Variants in FAM163B observed in about 807,000 individuals in gnomAD.
The protein encoded by FAM163B is family with sequence similarity 163 member B, also known as protein FAM163B.
Under a neutral mutation model 7.6 loss-of-function variants are expected in FAM163B, and 4 were observed. The ratio of observed to expected loss-of-function variants is 0.52; its 90% CI spans 0.26 to 1.20. FAM163B has a LOEUF of 1.20. FAM163B is among the 50% of genes most tolerant of loss of function. FAM163B has a pLI of 0.14. For synonymous variants in FAM163B, 120 were observed against 111.6 expected, an observed-to-expected ratio of 1.07 and a Z score of -0.47; for missense variants, 250 against 243.0, an observed-to-expected ratio of 1.03 and a Z score of -0.19.
rs774145747 is a variant in FAM163B at position 133,601,883 on chromosome 9, G to A, written c.-24+7194C>T. Among the ~76,000 whole-genome samples, 79 of 152,202 alleles carry A rather than the reference G, an allele frequency of 5.2e-4. No homozygotes were observed. Among genetic ancestry groups the A allele is most frequent in the Admixed American group, 9.2e-4 (14 of 15,286 alleles). The stretch of plus-strand genomic sequence containing the variant: ...AGGCAGCGAGGGGGGTAGGTGGGAG[G>A]AGCCTCAGGGAGGAAGGGACTCTGA... On this transcript the variant is annotated intron_variant, in intron 1 of 2. Transcript: ENST00000673969. This position sits in a 1 kb window ranked among gnomAD's most constrained non-coding sequence, Gnocchi z 4.1.
intron 1 of FAM163B, 108 bp from the exon 2 acceptor site, chr9:133,580,354 A>C: frequency 2.4e-6 from 2 of 846,940 alleles, no homozygotes; most frequent in Non-Finnish European, 3.8e-6. Context: ...AAAGCACCCC[A>C]GGATGTGCCT....
At chr9:133,589,645 C>T (rs562066213) in intron 1 of FAM163B, among the ~76,000 whole-genome samples, 3 of 151,858 alleles carry the variant, frequency 2.0e-5, no homozygotes, top group East Asian at 2.0e-4. Flanking sequence ...CACAGTAGGG[C>T]GGCATTGGTG....
At position 133,599,845 on chromosome 9, in the gene FAM163B, GTGTGTGTGCA is replaced by G. The variant is rs554743148; in HGVS notation, c.-24+9222_-24+9231del. Among the ~76,000 whole-genome samples the G allele has an allele frequency of 7.0e-4, 106 of 151,450 alleles. 1 individual carries two copies. The South Asian group carries it at 0.012, about 17-fold the overall frequency. ...TGCATGAATGTGTGTCTGTGTACGA[GTGTGTGTGCA>G]TGTGTGTGCTAGTGTGTCTGTGTGC... On this transcript the variant is annotated intron_variant, in intron 1 of 2. Transcript: ENST00000673969.
At chr9:133,594,573 CAT>C (rs1420452139) in intron 1 of FAM163B, among the ~76,000 whole-genome samples, 4 of 152,184 alleles carry the variant, frequency 2.6e-5, no homozygotes, top group Admixed American at 6.5e-5. Context: ...GTCTGCACCA[CAT>C]GTTTGGCATT....
At chr9:133,582,738 G>A (rs1361994057) in intron 1 of FAM163B, among the ~76,000 whole-genome samples, 1 of 152,238 alleles carries the variant, frequency 6.6e-6, no homozygotes, top group Admixed American at 6.5e-5. Flanking sequence ...GGCTGGGCCA[G>A]CCGGCCTCTC....
At chr9:133,590,035 A>C in intron 1 of FAM163B, among the ~76,000 whole-genome samples, 1 of 125,782 alleles carries the variant, frequency 8.0e-6, no homozygotes, top group South Asian at 2.7e-4. Flanking sequence ...TGCTGGACTT[A>C]AGTTCCCTTC....
At chr9:133,588,389 C>T (rs762964105) in intron 1 of FAM163B, among the ~76,000 whole-genome samples, 1 of 151,964 alleles carries the variant, frequency 6.6e-6, no homozygotes, top group Non-Finnish European at 1.5e-5. Context: ...TGGGGAAGAA[C>T]TTGCAAAAAT....
chr9:133,578,821 C>G lies in FAM163B; in HGVS notation c.*201G>C. The G allele has an allele frequency of 2.9e-6, 3 of 1,036,974 alleles. No individual in the cohort carries two copies. The highest frequency in any genetic ancestry group is 2.2e-5 in the South Asian group (1 of 45,548). 64.2% of individuals were successfully genotyped at this position (1,036,974 alleles called of 1,614,324 possible). A position where few individuals can be genotyped will look rare whatever the true frequency, so the allele number is the denominator to read the frequency against. Reference sequence around the variant, plus strand: ...GCCCCAGGCCCCAGCTGTGCCTCCCCCCAGGACACATTTGTGTTCAATGAG... The same window carrying G: ...GCCCCAGGCCCCAGCTGTGCCTCCCGCCAGGACACATTTGTGTTCAATGAG... On this transcript the variant is annotated 3_prime_UTR_variant, in exon 3 of 3. Transcript: ENST00000673969.
rs1287419465 is a variant in FAM163B at position 133,609,340 on chromosome 9, G to A, written c.-287C>T. ...CTCCGGACGCCCCGGCTGGCTCCCTGCGAGCTGCACGCGCGGCTCCAGCCT... is the reference window on the plus strand; with the variant it reads ...CTCCGGACGCCCCGGCTGGCTCCCTACGAGCTGCACGCGCGGCTCCAGCCT... On this transcript the variant is annotated 5_prime_UTR_variant, in exon 1 of 3. Transcript: ENST00000673969. 1.3e-5 allele frequency among the ~76,000 whole-genome samples: 2 copies of A among 149,604 alleles called. No individual in the cohort carries two copies. The highest frequency in any genetic ancestry group is 1.9e-4 in the East Asian group (1 of 5,154).
At chr9:133,590,286 T>C (rs1054600349) in intron 1 of FAM163B, among the ~76,000 whole-genome samples, 6 of 113,006 alleles carry the variant, frequency 5.3e-5, no homozygotes, top group Non-Finnish European at 1.0e-4. Flanking sequence ...TTTCTTTTCG[T>C]TCTCTTCCTC....
intron 1 of FAM163B, among the ~76,000 whole-genome samples, chr9:133,580,780 T>C (rs963451840): frequency 1.3e-5 from 2 of 152,194 alleles, no homozygotes; most frequent in African/African-American, 2.4e-5. Context: ...TGCTTAATTG[T>C]GGTAAAGCAC....
At chr9:133,603,446 C>G (rs1168952392) in intron 1 of FAM163B, among the ~76,000 whole-genome samples, 1 of 152,206 alleles carries the variant, frequency 6.6e-6, no homozygotes, top group Non-Finnish European at 1.5e-5. Context: ...AGGTGGCCTA[C>G]AGCACGTGGG....
intron 1 of FAM163B, among the ~76,000 whole-genome samples, chr9:133,593,496 A>T (rs1831585974): frequency 6.6e-6 from 1 of 152,022 alleles, no homozygotes; most frequent in Non-Finnish European, 1.5e-5. Context: ...CAGTGTGCTT[A>T]TACCTGTTGC....
Position 133,579,120 on chromosome 9 carries a change from G to T in FAM163B, c.403C>A (p.Pro135Thr), listed in dbSNP as rs371125485. 57 of 1,607,826 alleles carry T rather than the reference G, an allele frequency of 3.5e-5. No individual in the cohort carries two copies. The highest frequency in any genetic ancestry group is 4.6e-5 in the Non-Finnish European group (54 of 1,179,482). ...SVSQEDVELP[P>T]GGFGGLQALN... ...GCCTGCAGGCCCCCGAAGCCCCCCG[G>T]GGGCAGCTCCACGTCCTCCTGGCTC... The change falls in exon 3 of 3, where the codon CCG (proline) becomes ACG (threonine). Residue 135 changes from proline (P) to threonine (T), a missense_variant. Pro to Thr is a conservative substitution (Grantham distance 38, BLOSUM62 -1). Coordinates refer to ENST00000673969, the MANE Select transcript of FAM163B (RefSeq NM_001080515.3).
chr9:133,588,642 CAGGT>C (rs1831484693), intron 1 of FAM163B, among the ~76,000 whole-genome samples: 1 of 34,404 alleles, frequency 2.9e-5, no homozygotes, highest in Non-Finnish European at 6.6e-5. Flanking sequence ...AGGGATCTAG[CAGGT>C]TGAAGGATCT....
At chr9:133,607,116 G>A (rs1210379118) in intron 1 of FAM163B, among the ~76,000 whole-genome samples, 2 of 152,188 alleles carry the variant, frequency 1.3e-5, no homozygotes, top group Non-Finnish European at 2.9e-5. Context: ...CAAAAAGGGA[G>A]GAACTGCACT....
At chr9:133,597,044 A>G (rs1275718992) in intron 1 of FAM163B, among the ~76,000 whole-genome samples, 5 of 152,242 alleles carry the variant, frequency 3.3e-5, no homozygotes, top group African/African-American at 9.6e-5. Flanking sequence ...ACAAATATGT[A>G]TTGCAATATA....
intron 1 of FAM163B, among the ~76,000 whole-genome samples, chr9:133,590,023 G>T (rs1831514021): frequency 6.7e-6 from 1 of 149,664 alleles, no homozygotes; most frequent in Non-Finnish European, 1.5e-5. Context: ...AACCCTCTCT[G>T]CTGCTGGACT....
At chr9:133,590,064 TC>T (rs371493035) in intron 1 of FAM163B, among the ~76,000 whole-genome samples, 3,002 of 15,142 alleles carry the variant, frequency 0.2, 323 homozygotes, top group African/African-American at 0.27. Flanking sequence ...TCCCTTCCCT[TC>T]CCCTTCCCTT....
Sources: gnomAD v4.1 joint callset for allele counts (sites outside exome capture counted in the v4.1 genomes callset) on GRCh38, gnomAD v4.1.1 for gene constraint, Gnocchi (gnomAD v3.1) non-coding constraint, MANE v1.5 for transcripts, NCBI Gene and HGNC (gene_info 2026-07-23, HGNC 2026-07-21) for gene names.